The following CTTN variants were observed in gnomAD, a reference collection of about 807,000 sequenced individuals.
The protein encoded by CTTN is cortactin.
In CTTN, 28 loss-of-function variants were observed where a neutral mutation model predicts 84.0. The observed-to-expected ratio is 0.33, with a 90% CI of 0.25 to 0.46. CTTN has a LOEUF of 0.46. Ranked by LOEUF, CTTN falls within the 20% of genes least tolerant of loss-of-function variation. The pLI is 1.00. For missense variants in CTTN, 641 were observed against 723.8 expected, an observed-to-expected ratio of 0.89 and a Z score of 1.31; for synonymous variants, 301 against 288.8, an observed-to-expected ratio of 1.04 and a Z score of -0.43.
intron 13 of CTTN, among the ~76,000 whole-genome samples, chr11:70,427,991 C>T (rs1294182808): frequency 1.3e-5 from 2 of 152,112 alleles, no homozygotes; most frequent in East Asian, 1.9e-4. Context: ...CCCAGCTTTG[C>T]ATAACCATAG....
intron 5 of CTTN, among the ~76,000 whole-genome samples, 178 bp downstream of exon 5, chr11:70,410,138 T>C (rs2058082819): frequency 1.3e-5 from 2 of 152,194 alleles, no homozygotes; most frequent in Non-Finnish European, 2.9e-5. Context: ...TACTCTAGCT[T>C]TCTTCAAAGC....
intron 16 of CTTN, 86 bp downstream of exon 16, chr11:70,433,364 G>T: frequency 7.3e-7 from 1 of 1,376,686 alleles, no homozygotes; most frequent in South Asian, 1.4e-5. Context: ...GTTGCGAGGA[G>T]CGTGGGTTTC....
intron 7 of CTTN, chr11:70,415,976 T>C (rs2058153874): frequency 2.3e-6 from 1 of 439,396 alleles, no homozygotes; most frequent in Non-Finnish European, 4.1e-6. Flanking sequence ...CTGCTGTCAT[T>C]GTGGGGCTTC....
chr11:70,431,197 G>A lies in CTTN; in HGVS notation c.1183G>A (p.Ala395Thr). 1 of 1,614,152 alleles carries A rather than the reference G, an allele frequency of 6.2e-7. No homozygotes were observed. The highest frequency in any genetic ancestry group is 1.1e-5 in the South Asian group (1 of 91,090). Reference protein sequence around the residue: ...EEARRKLEEQARAKTQTPPVS... With the variant: ...EEARRKLEEQTRAKTQTPPVS... ...TGTTTGTTTTCAATCACAGGAGCAA[G>A]CCAGAGCCAAAACGCAAACGCCCCC... The change falls in exon 15 of 18, where the codon GCC (alanine) becomes ACC (threonine). Residue 395 changes from alanine (A) to threonine (T), a missense_variant. Transcript: ENST00000301843.
chr11:70,421,899 G>A (rs1469777135), intron 11 of CTTN: 8 of 329,970 alleles, frequency 2.4e-5, no homozygotes, highest in Non-Finnish European at 3.4e-5. Context: ...CATTCTGCCC[G>A]AGGCTGTTCT....
chr11:70,435,866 G>A lies in CTTN; in HGVS notation c.*704G>A, dbSNP rs567379761. On this transcript the variant is annotated 3_prime_UTR_variant, in exon 18 of 18. Coordinates refer to ENST00000301843, the MANE Select transcript of CTTN (RefSeq NM_005231.4). ...GCTGGGAGCCTCTCCTGTCCCCGCCGGGCAGTGTCACTGAGTCCTTGAAAT... is the reference window on the plus strand; with the variant it reads ...GCTGGGAGCCTCTCCTGTCCCCGCCAGGCAGTGTCACTGAGTCCTTGAAAT... The A allele has an allele frequency of 6.4e-5, 96 of 1,508,400 alleles. No homozygotes were observed. Among genetic ancestry groups the A allele is most frequent in the Admixed American group, 4.4e-4 (19 of 42,846 alleles). 93.4% of individuals were successfully genotyped at this position (1,508,400 alleles called of 1,614,324 possible).
chr11:70,414,268 C>G (rs1220474833), intron 5 of CTTN, among the ~76,000 whole-genome samples: 1 of 151,644 alleles, frequency 6.6e-6, no homozygotes, highest in Non-Finnish European at 1.5e-5. Flanking sequence ...TGGCGTGAAC[C>G]TGGGAGGCGG....
At chr11:70,414,116 C>CGG (rs2058128192) in intron 5 of CTTN, among the ~76,000 whole-genome samples, 1 of 151,962 alleles carries the variant, frequency 6.6e-6, no homozygotes, top group Non-Finnish European at 1.5e-5. Flanking sequence ...GAGGCCGAGG[C>CGG]GGGTGGATCA....
Position 70,410,030 on chromosome 11 carries a change from G to A in CTTN, c.291+70G>A, listed in dbSNP as rs370606025. ...GACCACTAGACTGGGTGGCAGAGTC[G>A]TCCCTCAGTCTTTCCTTAGATCAGC... On this transcript the variant is annotated intron_variant, in intron 5 of 17. Transcript: ENST00000301843. 1,310 of 1,547,692 alleles carry A rather than the reference G, an allele frequency of 8.5e-4. 3 individuals carry two copies. Among genetic ancestry groups the A allele is most frequent in the South Asian group, 1.1e-3 (95 of 88,518 alleles).
Position 70,435,723 on chromosome 11 carries a change from C to G in CTTN, c.*561C>G. 1 of 1,597,934 alleles carries G rather than the reference C, an allele frequency of 6.3e-7. No homozygotes were observed. Among genetic ancestry groups the G allele is most frequent in the Non-Finnish European group, 8.5e-7 (1 of 1,179,642 alleles). On this transcript the variant is annotated 3_prime_UTR_variant, in exon 18 of 18. Transcript: ENST00000301843. ...AGATGGGAAATCTGCCTATGTCATACCGTGACAGCCCGCAGGATCAGGTGA... is the reference window on the plus strand; with the variant it reads ...AGATGGGAAATCTGCCTATGTCATAGCGTGACAGCCCGCAGGATCAGGTGA...
At chr11:70,407,481 C>T (rs756397092) in intron 3 of CTTN, 37 bp from the exon 4 acceptor site, 1 of 1,613,434 alleles carries the variant, frequency 6.2e-7, no homozygotes, top group South Asian at 1.1e-5. Flanking sequence ...GTGTCACAAT[C>T]CAGGCTGTGA....
At chr11:70,433,573 C>T (rs1443109239) in intron 16 of CTTN, 74 bp from the exon 17 acceptor site, 4 of 1,146,664 alleles carry the variant, frequency 3.5e-6, no homozygotes, top group Admixed American at 1.7e-5. Context: ...TAGGAAGTGT[C>T]GTCTAAAACT....
Position 70,435,106 on chromosome 11 carries a change from G to A in CTTN, c.1597G>A (p.Val533Met). The A allele has an allele frequency of 6.2e-7, 1 of 1,613,912 alleles. No individual in the cohort carries two copies. Among genetic ancestry groups the A allele is most frequent in the Non-Finnish European group, 8.5e-7 (1 of 1,180,028 alleles). Reference sequence around the variant, plus strand: ...GATTGACGACGGCTGGTGGCGCGGGGTGTGCAAGGGCCGGTACGGGCTCTT... The same window carrying A: ...GATTGACGACGGCTGGTGGCGCGGGATGTGCAAGGGCCGGTACGGGCTCTT... The part of the protein sequence containing the change: ...EMIDDGWWRG[V>M]CKGRYGLFPA... Residue 533 changes from valine (V) to methionine (M), a missense_variant, in exon 18 of 18, where the codon GTG becomes ATG. This residue lies in a region of CTTN where 68 missense variants were observed against 102.2 expected (regional missense o/e 0.67). Coordinates refer to ENST00000301843, the MANE Select transcript of CTTN (RefSeq NM_005231.4).
chr11:70,420,462 C>T lies in CTTN; in HGVS notation c.742C>T (p.Leu248Phe), dbSNP rs1343765157. 10 of 1,614,228 alleles carry T rather than the reference C, an allele frequency of 6.2e-6. No homozygotes were observed. The highest frequency in any genetic ancestry group is 2.2e-5 in the South Asian group (2 of 91,086). Reference sequence around the variant, plus strand: ...GACAGACAGACAAGACAAATGTGCCCTTGGCTGGGATCACCAGGAGAAATT... The same window carrying T: ...GACAGACAGACAAGACAAATGTGCCTTTGGCTGGGATCACCAGGAGAAATT... ...VQTDRQDKCA[L>F]GWDHQEKLQL... The change falls in exon 10 of 18, where the codon CTT becomes TTT. Residue 248 changes from leucine to phenylalanine, a missense_variant. This residue lies in a region of CTTN where 284 missense variants were observed against 348.4 expected (regional missense o/e 0.82). Transcript: ENST00000301843.
In CTTN at chr11:70,413,922, C is replaced by CCA. The variant is rs138132146; in HGVS notation, c.292-617_292-616dup. Among the ~76,000 whole-genome samples, 1,449 of 152,308 alleles carry CCA rather than the reference C, an allele frequency of 9.5e-3. 23 individuals carry two copies. Among genetic ancestry groups the CCA allele is most frequent in the African/African-American group, 0.033 (1,365 of 41,562 alleles). ...ACACCAGCGGGTCTCACGGATCCTG[C>CCA]CACAGGCTGCCAGCTCTGTGTACCT... On this transcript the variant is annotated intron_variant, in intron 5 of 17. Coordinates refer to ENST00000301843, the MANE Select transcript of CTTN (RefSeq NM_005231.4).
Position 70,425,362 on chromosome 11 carries a change from G to A in CTTN, c.988G>A (p.Val330Met). 1 of 1,612,816 alleles carries A rather than the reference G, an allele frequency of 6.2e-7. No homozygotes were observed. Among genetic ancestry groups the A allele is most frequent in the African/African-American group, 1.3e-5 (1 of 75,016 alleles). ...NASTFEDVTQ[V>M]SSAYQKTVPV... ...GTCAACCTTTGAGGATGTCACCCAG[G>A]TGTCCTCTGCCTACCAGAAGACAGT... Residue 330 changes from valine to methionine, a missense_variant, in exon 13 of 18, where the codon GTG becomes ATG. Around this residue, in one of 3 missense-constraint regions of CTTN, gnomAD observed 289 missense variants for 273.1 expected, o/e 1.06. Transcript: ENST00000301843.
intron 4 of CTTN, 151 bp downstream of exon 4, chr11:70,407,742 A>G: frequency 1.6e-6 from 1 of 625,532 alleles, no homozygotes. Flanking sequence ...TGAATATAAG[A>G]CACACACATA....
intron 14 of CTTN, among the ~76,000 whole-genome samples, chr11:70,429,686 G>C (rs2058334417): frequency 6.6e-6 from 1 of 152,184 alleles, no homozygotes; most frequent in Admixed American, 6.5e-5. Flanking sequence ...AAGCCCCTGG[G>C]CTGTGGAGAA....
At chr11:70,429,327 C>G (rs1252591589) in intron 14 of CTTN, 128 bp downstream of exon 14, 1 of 1,037,986 alleles carries the variant, frequency 9.6e-7, no homozygotes, top group Admixed American at 2.3e-5. Context: ...ATGTTTAACT[C>G]TCCTTTAAGG....
Sources: allele counts gnomAD v4.1 joint callset (sites outside exome capture counted in the v4.1 genomes callset), GRCh38; gene constraint gnomAD v4.1.1; regional missense constraint gnomAD v4.1.1; transcripts MANE v1.5; gene names NCBI Gene and HGNC (gene_info 2026-07-23, HGNC 2026-07-21).